TNS1: variants seen among roughly 807,000 people sequenced by gnomAD.
TNS1 encodes tensin 1.
In TNS1, 62 loss-of-function variants were observed where a neutral mutation model predicts 168.6. The ratio of observed to expected loss-of-function variants is 0.37; its 90% CI spans 0.30 to 0.45. The LOEUF (loss-of-function observed/expected upper bound fraction) is 0.45, where lower values mean the gene tolerates loss of function less well. Ranked by LOEUF, TNS1 falls within the 20% of genes least tolerant of loss-of-function variation. The probability of loss-of-function intolerance (pLI) is 1.00; values close to 1 mark genes in which losing one functional copy is unlikely to be tolerated. For missense variants in TNS1, 2,240 were observed against 2,339.4 expected (o/e 0.96, Z 0.88); for synonymous variants, 934 against 933.2 (o/e 1.00, Z -0.02).
At position 217,862,049 on chromosome 2, in the gene TNS1, C is replaced by G. The variant is rs78580768; in HGVS notation, c.1430-12962G>C. On this transcript the variant is annotated intron_variant, in intron 18 of 32. Transcript: ENST00000682258. The stretch of plus-strand genomic sequence containing the variant: ...GCCATTCCATTAACAAATACTGAGC[C>G]TATCCCAACACTGATTACTGCCAAT... 1.1e-4 allele frequency among the ~76,000 whole-genome samples: 17 copies of G among 152,320 alleles called. No homozygotes were observed. The East Asian group carries it at 3.3e-3, about 29-fold the overall frequency.
At chr2:217,895,502 C>T (rs536260543) in intron 8 of TNS1, among the ~76,000 whole-genome samples, 15 of 152,278 alleles carry the variant, frequency 9.9e-5, no homozygotes, top group African/African-American at 3.4e-4. Context: ...CTCACCACAC[C>T]GAACGGGAAT....
At chr2:218,021,913 G>A (rs1958809352) in intron 1 of TNS1, among the ~76,000 whole-genome samples, 1 of 152,238 alleles carries the variant, frequency 6.6e-6, no homozygotes, top group African/African-American at 2.4e-5. Flanking sequence ...CCAGGGTGAA[G>A]GGGCACCGTG....
chr2:217,941,998 A>G (rs1559379274), intron 3 of TNS1, among the ~76,000 whole-genome samples: 1 of 152,040 alleles, frequency 6.6e-6, no homozygotes, highest in African/African-American at 2.4e-5. Context: ...AAACAATAAC[A>G]TCTTCTCTGA....
At chr2:217,928,169 T>C (rs1244567421) in intron 3 of TNS1, among the ~76,000 whole-genome samples, 1 of 152,192 alleles carries the variant, frequency 6.6e-6, no homozygotes, top group Non-Finnish European at 1.5e-5. Context: ...GCTGCAAGAA[T>C]GCCAAGGCCA....
Position 217,818,695 on chromosome 2 carries a change from G to T in TNS1, c.3637C>A (p.Pro1213Thr). Residue 1213 changes from proline (P) to threonine (T), a missense_variant, in exon 24 of 33, where the codon CCT becomes ACT. Around this residue, in one of 2 missense-constraint regions of TNS1, gnomAD observed 2,131 missense variants for 2,171.2 expected, o/e 0.98. Coordinates refer to ENST00000682258, the MANE Select transcript of TNS1 (RefSeq NM_001387777.1). ...GAGCGGAAGCCAGACTCCAACAGAG[G>T]CTGGGTGGGCGTCCGGGGACCCTGG... The part of the protein sequence containing the change: ...SDQGPRTPTQ[P>T]LLESGFRSGS... The T allele has an allele frequency of 6.2e-7, 1 of 1,614,194 alleles. No individual in the cohort carries two copies. The highest frequency in any genetic ancestry group is 1.1e-5 in the South Asian group (1 of 91,088).
chr2:217,848,090 T>A lies in TNS1; in HGVS notation c.2427A>T (p.Pro809=). Reference sequence around the variant, plus strand: ...GACTGGGGATGGGGGTCTCTGCCAATGGCTGAGGGCTGGGCCTGCTGGCTA... The same window carrying A: ...GACTGGGGATGGGGGTCTCTGCCAAAGGCTGAGGGCTGGGCCTGCTGGCTA... ...SLVASRPSPQ[P]LAETPIPSLP... The change falls in exon 19 of 33, where the codon CCA becomes CCT. Residue 809 remains proline (P), a synonymous_variant. Transcript: ENST00000682258. The A allele has an allele frequency of 6.4e-7, 1 of 1,556,180 alleles. No individual in the cohort carries two copies. The highest frequency in any genetic ancestry group is 8.7e-7 in the Non-Finnish European group (1 of 1,151,582).
In TNS1 at chr2:217,801,389, C is replaced by T. The variant is rs536213970; in HGVS notation, c.*3070G>A. On this transcript the variant is annotated 3_prime_UTR_variant, in exon 33 of 33. Coordinates refer to ENST00000682258, the MANE Select transcript of TNS1 (RefSeq NM_001387777.1). The stretch of plus-strand genomic sequence containing the variant: ...TGACCCTCCTCTGCCCTCTTCCCTC[C>T]AGACACCCAGCTGGACAGCTGGTGG... 1 of 152,418 alleles carries T rather than the reference C, an allele frequency of 6.6e-6. No individual in the cohort carries two copies. Among genetic ancestry groups the T allele is most frequent in the South Asian group, 2.1e-4 (1 of 4,826 alleles). The allele number at this position is 152,418 out of a possible 1,614,324, so 9.4% of individuals were successfully genotyped here.
chr2:217,855,174 C>G (rs1167973269), intron 18 of TNS1, among the ~76,000 whole-genome samples: 2 of 152,204 alleles, frequency 1.3e-5, no homozygotes, highest in Non-Finnish European at 2.9e-5. Flanking sequence ...CTTTTCCCAA[C>G]AGGCCTCTGC....
intron 32 of TNS1, among the ~76,000 whole-genome samples, chr2:217,806,189 T>C (rs1939030481): frequency 6.6e-6 from 1 of 152,240 alleles, no homozygotes; most frequent in Non-Finnish European, 1.5e-5. Flanking sequence ...TCCCCTGATA[T>C]TTCTTTCAGC....
chr2:217,844,449 C>T (rs150933528), intron 19 of TNS1, among the ~76,000 whole-genome samples: 70 of 152,252 alleles, frequency 4.6e-4, no homozygotes, highest in African/African-American at 1.6e-3. Flanking sequence ...CAGAGACAGA[C>T]CCCAGGCTAC....
At chr2:217,845,482 T>A (rs1190072469) in intron 19 of TNS1, among the ~76,000 whole-genome samples, 1 of 152,190 alleles carries the variant, frequency 6.6e-6, no homozygotes, top group East Asian at 1.9e-4. Context: ...ATAAATTCTG[T>A]CATAATGACA....
At chr2:217,933,432 A>G (rs1454882458) in intron 3 of TNS1, among the ~76,000 whole-genome samples, 2 of 152,148 alleles carry the variant, frequency 1.3e-5, no homozygotes, top group Non-Finnish European at 2.9e-5. Flanking sequence ...CCGGACCCAG[A>G]TACAAAGTCA....
At position 218,020,378 on chromosome 2, in the gene TNS1, T is replaced by G. The variant is rs562056155; in HGVS notation, c.156+13442A>C. Among the ~76,000 whole-genome samples the G allele has an allele frequency of 3.9e-5, 6 of 151,972 alleles. No homozygotes were observed. The South Asian group carries it at 1.3e-3, about 32-fold the overall frequency. On this transcript the variant is annotated intron_variant, in intron 1 of 1. Coordinates refer to the TNS1 transcript ENST00000649572. ...GGACCCCTCCAGCCTTGCAGTCCCG[T>G]CCCTAGGATCACTGGTTAAATAACT...
chr2:218,022,242 G>A (rs555499940), intron 1 of TNS1, among the ~76,000 whole-genome samples: 1 of 152,038 alleles, frequency 6.6e-6, no homozygotes, highest in South Asian at 2.1e-4. Flanking sequence ...AGAGAGAGGT[G>A]GAGGTAACGA....
chr2:217,911,193 G>C (rs1475062460), intron 4 of TNS1, among the ~76,000 whole-genome samples: 2 of 152,182 alleles, frequency 1.3e-5, no homozygotes, highest in Admixed American at 6.5e-5. Flanking sequence ...TGTTCCACCA[G>C]GGGTCTTCCA....
At chr2:217,961,631 C>T (rs1401917473) in intron 3 of TNS1, among the ~76,000 whole-genome samples, 3 of 152,184 alleles carry the variant, frequency 2.0e-5, no homozygotes, top group African/African-American at 7.2e-5. Context: ...AAGGTCACAG[C>T]TGAAAACGAA....
In TNS1 at chr2:217,812,426, G is replaced by C. The variant is rs755843220; in HGVS notation, c.4974C>G (p.Val1658=). ...CCAATGGGATGATGGAGTGCTGGTA[G>C]ACCAGGGCAGACAGCGATCCTGTAG... ...EPNFGSLSAL[V]YQHSIIPLAL... Residue 1658 remains valine, a synonymous_variant, in exon 28 of 33, where the codon GTC becomes GTG. Coordinates refer to ENST00000682258, the MANE Select transcript of TNS1 (RefSeq NM_001387777.1). 3 of 1,614,102 alleles carry C rather than the reference G, an allele frequency of 1.9e-6. No homozygotes were observed. In the South Asian group the frequency reaches 3.3e-5, roughly 18 times the overall value.
chr2:217,979,528 G>GACACACACAC (rs35499293), intron 2 of TNS1, among the ~76,000 whole-genome samples: 123 of 146,782 alleles, frequency 8.4e-4, no homozygotes, highest in African/African-American at 3.0e-3. Context: ...GAAACACACA[G>GACACACACAC]ACACACACAC....
chr2:217,958,032 A>C (rs1957408647), intron 3 of TNS1, among the ~76,000 whole-genome samples: 1 of 106,598 alleles, frequency 9.4e-6, no homozygotes, highest in African/African-American at 5.3e-5. Flanking sequence ...CACACACAAA[A>C]GGAGGAGCTC....
Sources: gnomAD v4.1 joint callset for allele counts (sites outside exome capture counted in the v4.1 genomes callset) on GRCh38, gnomAD v4.1.1 for gene constraint, gnomAD v4.1.1 regional missense constraint, MANE v1.5 for transcripts, NCBI Gene and HGNC (gene_info 2026-07-23, HGNC 2026-07-21) for gene names.